INSL6: variants seen among roughly 807,000 people sequenced by gnomAD.
INSL6 encodes the protein insulin like 6, also known as insulin-like peptide INSL6.
In INSL6, 16 loss-of-function variants were observed where a neutral mutation model predicts 9.4. That is an observed-to-expected ratio of 1.70 (90% CI 1.15 to 2.59). The LOEUF is 2.59. Ranked by LOEUF, INSL6 falls within the 30% of genes most tolerant of loss-of-function variation. The pLI is 0.00. For synonymous variants in INSL6, 154 were observed against 96.9 expected (o/e 1.59, Z -3.46); for missense variants, 391 against 257.3 (o/e 1.52, Z -3.56).
At chr9:5,098,360 T>TA in the INSL6 span, 1 of 152,204 alleles carries the variant, frequency 6.6e-6, no homozygotes, top group Non-Finnish European at 1.5e-5. Context: ...CCAGTTCAAT[T>TA]AGGCCTTCAA....
chr9:5,126,342 C>T lies in INSL6; in HGVS notation c.*11-1831G>A, dbSNP rs746602942. 19 of 1,597,276 alleles carry T rather than the reference C, an allele frequency of 1.2e-5. No homozygotes were observed. The Admixed American group carries it at 1.2e-4, about 10-fold the overall frequency. Reference sequence around the variant, plus strand: ...AGTGGGTTTGTTTTAGGAATTTATGCGTATGATTGGCAATGACAAACAAGG... The same window carrying T: ...AGTGGGTTTGTTTTAGGAATTTATGTGTATGATTGGCAATGACAAACAAGG... On this transcript the variant is annotated intron_variant, in intron 3 of 3. Transcript: ENST00000649639.
At chr9:5,174,874 A>G (rs558499247) in intron 1 of INSL6, among the ~76,000 whole-genome samples, 2 of 152,192 alleles carry the variant, frequency 1.3e-5, no homozygotes, top group East Asian at 3.9e-4. Context: ...TATCTCATTT[A>G]TGACAATCCC....
chr9:5,131,443 T>TC (rs992553979), intron 3 of INSL6, among the ~76,000 whole-genome samples: 4 of 144,194 alleles, frequency 2.8e-5, no homozygotes, highest in African/African-American at 1.1e-4. Flanking sequence ...CAATTTTTTT[T>TC]TTTTTTTTTT....
At chr9:4,992,956 TC>T in the INSL6 span, among the ~76,000 whole-genome samples, 24 of 152,138 alleles carry the variant, frequency 1.6e-4, no homozygotes, top group African/African-American at 5.8e-4. Flanking sequence ...ATTATTTATC[TC>T]CCCCACCCCT....
At chr9:5,150,852 C>T (rs977857065) in intron 2 of INSL6, among the ~76,000 whole-genome samples, 1 of 91,810 alleles carries the variant, frequency 1.1e-5, no homozygotes, top group Non-Finnish European at 2.8e-5. Flanking sequence ...AGGAGACACA[C>T]ACACACACAC....
At chr9:5,011,097 A>G in the INSL6 span, among the ~76,000 whole-genome samples, 2 of 152,118 alleles carry the variant, frequency 1.3e-5, no homozygotes, top group Non-Finnish European at 2.9e-5. Flanking sequence ...TTAAGTATGG[A>G]TTTGTATAGA....
At chr9:5,178,706 C>A (rs941998920) in intron 1 of INSL6, among the ~76,000 whole-genome samples, 2 of 152,130 alleles carry the variant, frequency 1.3e-5, no homozygotes, top group Middle Eastern at 3.2e-3. Flanking sequence ...AAACCACACA[C>A]CACACACCTA....
At chr9:5,023,093 A>G in the INSL6 span, among the ~76,000 whole-genome samples, 7 of 152,136 alleles carry the variant, frequency 4.6e-5, no homozygotes, top group African/African-American at 1.4e-4. Context: ...TCTTCTATCA[A>G]ACATTTGAAC....
the INSL6 span, chr9:5,110,776 G>GT: frequency 2.5e-6 from 1 of 393,896 alleles, no homozygotes; most frequent in South Asian, 2.0e-5. Flanking sequence ...TGCAGGAGTG[G>GT]TAAGGGCCCG....
At chr9:5,029,909 ACTTT>A in the INSL6 span, 5 of 1,577,156 alleles carry the variant, frequency 3.2e-6, 1 homozygote, top group South Asian at 6.0e-5. Flanking sequence ...AGAATAAGGT[ACTTT>A]CTTCAGTAAA....
the INSL6 span, chr9:5,094,873 C>T: frequency 1.3e-5 from 2 of 152,142 alleles, no homozygotes; most frequent in African/African-American, 4.8e-5. Context: ...TTTTAACCAC[C>T]GTTTTTATGA....
At chr9:5,079,408 A>G in the INSL6 span, among the ~76,000 whole-genome samples, 1 of 152,132 alleles carries the variant, frequency 6.6e-6, no homozygotes, top group African/African-American at 2.4e-5. Flanking sequence ...CCGTGATTTG[A>G]GCAGAGCCCA....
the INSL6 span, chr9:5,089,586 T>A: frequency 6.1e-5 from 16 of 260,802 alleles, no homozygotes; most frequent in Admixed American, 1.0e-4. Flanking sequence ...TAATTCCAGC[T>A]ACTAGAATTT....
the INSL6 span, among the ~76,000 whole-genome samples, chr9:5,078,000 A>T: frequency 6.6e-6 from 1 of 152,186 alleles, no homozygotes; most frequent in Non-Finnish European, 1.5e-5. Context: ...TGCAGAACTG[A>T]AGTAGTATTT....
At chr9:5,098,656 A>G in the INSL6 span, 2 of 152,170 alleles carry the variant, frequency 1.3e-5, no homozygotes, top group Non-Finnish European at 2.9e-5. Context: ...ATGATATTGA[A>G]GCTATGAATA....
chr9:5,092,415 C>T, the INSL6 span, among the ~76,000 whole-genome samples: 4 of 152,120 alleles, frequency 2.6e-5, no homozygotes, highest in South Asian at 2.1e-4. Flanking sequence ...AACAAAGTGT[C>T]GCTTAACCCA....
At chr9:5,133,265 A>G (rs1227190032) in intron 3 of INSL6, among the ~76,000 whole-genome samples, 2 of 152,250 alleles carry the variant, frequency 1.3e-5, no homozygotes, top group East Asian at 3.9e-4. Context: ...ACTACTTTAG[A>G]GTGTGCTCAT....
the INSL6 span, among the ~76,000 whole-genome samples, chr9:5,015,409 T>C: frequency 6.6e-6 from 1 of 152,250 alleles, no homozygotes; most frequent in African/African-American, 2.4e-5. Flanking sequence ...AAATGTCTTT[T>C]TCATTGAGTT....
chr9:5,024,082 T>A, the INSL6 span, among the ~76,000 whole-genome samples: 1 of 151,958 alleles, frequency 6.6e-6, no homozygotes, highest in African/African-American at 2.4e-5. Flanking sequence ...TGGTGAAACC[T>A]CATCTCTGCT....
Sources: allele counts gnomAD v4.1 joint callset (sites outside exome capture counted in the v4.1 genomes callset), GRCh38; gene constraint gnomAD v4.1.1; transcripts MANE v1.5; gene names NCBI Gene and HGNC (gene_info 2026-07-23, HGNC 2026-07-21).